TANC2: variants seen among roughly 807,000 people sequenced by gnomAD.
TANC2 encodes the protein protein TANC2.
A neutral mutation model predicts 210.5 loss-of-function variants in TANC2; 26 were observed. The ratio of observed to expected loss-of-function variants is 0.12; its 90% confidence interval spans 0.09 to 0.17. The LOEUF is 0.17. TANC2 is among the 10% of genes least tolerant of loss of function. The pLI is 1.00. For synonymous variants in TANC2, 931 were observed against 967.1 expected, an observed-to-expected ratio of 0.96 and a Z score of 0.69; for missense variants, 2,129 against 2,608.9, an observed-to-expected ratio of 0.82 and a Z score of 4.01.
rs908592404 is a variant in TANC2, at chr17:63,412,334, C to T, written c.3898+204C>T. Among the ~76,000 whole-genome samples, 5 of 152,216 alleles carry T rather than the reference C, an allele frequency of 3.3e-5. No homozygotes were observed. The highest frequency in any genetic ancestry group is 9.7e-5 in the African/African-American group (4 of 41,448). The stretch of plus-strand genomic sequence containing the variant: ...CTGCAGTCCCCTGTGTCCAGAACCA[C>T]GTGGTTCTCTACCATGTCCCTTGTA... On this transcript the variant is annotated intron_variant, in intron 23 of 27. Coordinates refer to ENST00000689528, the Ensembl canonical transcript of TANC2. The surrounding 1 kb of genome is among the most constrained non-coding windows in gnomAD (Gnocchi z 4.2).
chr17:63,366,989 A>G (rs924186536), intron 14 of TANC2, among the ~76,000 whole-genome samples: 1 of 152,230 alleles, frequency 6.6e-6, no homozygotes, highest in African/African-American at 2.4e-5. Context: ...TTAAGAAGAG[A>G]AGTGGAAAAG....
chr17:63,228,983 G>C (rs2042398974), intron 7 of TANC2, among the ~76,000 whole-genome samples: 1 of 152,196 alleles, frequency 6.6e-6, no homozygotes, highest in South Asian at 2.1e-4. Flanking sequence ...GGAGTAGTGA[G>C]AGAGGGCATC....
intron 3 of TANC2, among the ~76,000 whole-genome samples, chr17:63,082,101 G>A (rs933988821): frequency 6.6e-6 from 1 of 152,192 alleles, no homozygotes; most frequent in Non-Finnish European, 1.5e-5. Flanking sequence ...AACCCGGGAG[G>A]CGGAGCTTGC....
intron 3 of TANC2, among the ~76,000 whole-genome samples, chr17:63,083,629 T>C (rs1267340256): frequency 4.6e-5 from 7 of 152,222 alleles, no homozygotes; most frequent in African/African-American, 7.2e-5. Flanking sequence ...TCAGTACCAC[T>C]TCAGAACTTT....
chr17:63,390,422 T>C (rs1298356302), intron 17 of TANC2: 1 of 152,190 alleles, frequency 6.6e-6, no homozygotes, highest in African/African-American at 2.4e-5. Context: ...AGCACAGTGA[T>C]TGTGCACCTG....
intron 7 of TANC2, among the ~76,000 whole-genome samples, chr17:63,211,564 C>T (rs1214938875): frequency 1.3e-5 from 2 of 152,240 alleles, no homozygotes; most frequent in African/African-American, 4.8e-5. Flanking sequence ...ACTCCTCCCA[C>T]CTTTCCTCAG....
intron 1 of TANC2, among the ~76,000 whole-genome samples, chr17:62,969,758 A>G (rs990376705): frequency 6.6e-6 from 1 of 152,114 alleles, no homozygotes; most frequent in Admixed American, 6.5e-5. Context: ...TTTTAAGAGC[A>G]CCAGTAAACC....
At chr17:63,145,944 T>C (rs1395929081) in intron 4 of TANC2, among the ~76,000 whole-genome samples, 1 of 152,130 alleles carries the variant, frequency 6.6e-6, no homozygotes, top group Non-Finnish European at 1.5e-5. Context: ...AAAAAAGTCA[T>C]TGAAAGTCGT....
intron 3 of TANC2, among the ~76,000 whole-genome samples, chr17:63,082,862 C>G (rs2144731072): frequency 6.6e-6 from 1 of 152,152 alleles, no homozygotes; most frequent in East Asian, 1.9e-4. Flanking sequence ...GTTAAGCAGC[C>G]CCTTCTCTGC....
At chr17:63,174,886 A>G (rs1006432805) in intron 5 of TANC2, among the ~76,000 whole-genome samples, 4 of 152,188 alleles carry the variant, frequency 2.6e-5, no homozygotes, top group Non-Finnish European at 5.9e-5. Flanking sequence ...TTACAACAGC[A>G]TCCAATATCA....
chr17:63,073,516 T>C (rs1568363023), intron 2 of TANC2, among the ~76,000 whole-genome samples: 1 of 152,200 alleles, frequency 6.6e-6, no homozygotes, highest in Non-Finnish European at 1.5e-5. Flanking sequence ...AACATACGAA[T>C]GTAATTCTTA....
chr17:63,130,024 G>C (rs7207647), intron 4 of TANC2, among the ~76,000 whole-genome samples: 31,464 of 152,034 alleles, frequency 0.21, 6,986 homozygotes, highest in African/African-American at 0.56. Context: ...CTGTTTTAAT[G>C]ATGAGTCCAA....
intron 8 of TANC2, among the ~76,000 whole-genome samples, chr17:63,242,268 A>G (rs1445450939): frequency 6.6e-6 from 1 of 152,096 alleles, no homozygotes; most frequent in Non-Finnish European, 1.5e-5. Context: ...TTTTCCTCTC[A>G]GTGTCTGTGA....
chr17:63,217,776 G>A (rs528580989), intron 7 of TANC2, among the ~76,000 whole-genome samples: 40 of 152,282 alleles, frequency 2.6e-4, no homozygotes, highest in African/African-American at 9.6e-4. Context: ...ATGAACAGGA[G>A]AGTACAGACC....
At chr17:63,271,669 C>T (rs1451146353) in intron 9 of TANC2, among the ~76,000 whole-genome samples, 1 of 138,300 alleles carries the variant, frequency 7.2e-6, no homozygotes, top group Non-Finnish European at 1.5e-5. Context: ...TCTGTGTGTT[C>T]TGCCATTGAG....
At chr17:63,177,427 T>G (rs1257103805) in intron 5 of TANC2, among the ~76,000 whole-genome samples, 3 of 149,840 alleles carry the variant, frequency 2.0e-5, no homozygotes, top group African/African-American at 7.4e-5. Flanking sequence ...AGTGAGTGAG[T>G]AGGAAAATGA....
intron 2 of TANC2, among the ~76,000 whole-genome samples, chr17:63,027,786 T>TAGA (rs2034614730): frequency 6.6e-6 from 1 of 151,998 alleles, no homozygotes; most frequent in Admixed American, 6.6e-5. Flanking sequence ...ATAGACTCTT[T>TAGA]GTCCTCAAGG....
chr17:63,235,762 TATAAG>T (rs140876451), intron 7 of TANC2, among the ~76,000 whole-genome samples: 11,105 of 151,992 alleles, frequency 0.073, 1,268 homozygotes, highest in African/African-American at 0.24. Flanking sequence ...ACATTCAAAA[TATAAG>T]AAGAGAAAAT....
chr17:63,124,242 G>A (rs948040939), intron 4 of TANC2, among the ~76,000 whole-genome samples: 6 of 151,512 alleles, frequency 4.0e-5, no homozygotes, highest in Non-Finnish European at 5.9e-5. Flanking sequence ...ATCTGTTCTC[G>A]GGGATCAAGA....
Sources: allele counts gnomAD v4.1 joint callset (sites outside exome capture counted in the v4.1 genomes callset), GRCh38; gene constraint gnomAD v4.1.1; non-coding constraint Gnocchi (gnomAD v3.1); transcripts MANE v1.5; gene names NCBI Gene and HGNC (gene_info 2026-07-23, HGNC 2026-07-21).